Variants in NEDD4L observed in about 807,000 individuals in gnomAD.
NEDD4L encodes the protein NEDD4 like E3 ubiquitin protein ligase.
Under a neutral mutation model 148.9 loss-of-function variants are expected in NEDD4L, and 54 were observed. The observed-to-expected ratio is 0.36, with a 90% CI of 0.29 to 0.45. The LOEUF is 0.45. Ranked by LOEUF, NEDD4L falls within the 20% of genes least tolerant of loss-of-function variation. The pLI is 1.00. For missense variants in NEDD4L, 856 were observed against 1,233.8 expected (o/e 0.69, Z 4.59); for synonymous variants, 433 against 440.7 (o/e 0.98, Z 0.22).
At chr18:58,105,742 G>T (rs971310936) in intron 1 of NEDD4L, among the ~76,000 whole-genome samples, 10 of 152,188 alleles carry the variant, frequency 6.6e-5, no homozygotes, top group Non-Finnish European at 1.0e-4. Flanking sequence ...AATGGTTCAA[G>T]CCCTCTGACT....
chr18:58,228,184 A>T (rs923038916), intron 2 of NEDD4L, among the ~76,000 whole-genome samples: 10 of 152,242 alleles, frequency 6.6e-5, no homozygotes, highest in African/African-American at 2.4e-4. Context: ...TGTGATGCAC[A>T]CAAGTGACCA....
chr18:58,335,742 T>C, intron 13 of NEDD4L: 1 of 484,982 alleles, frequency 2.1e-6, no homozygotes, highest in African/African-American at 1.9e-5. Flanking sequence ...TAGTCCCACA[T>C]AATTTTATTA....
At chr18:58,315,375 A>G (rs991017249) in intron 5 of NEDD4L, among the ~76,000 whole-genome samples, 1 of 152,004 alleles carries the variant, frequency 6.6e-6, no homozygotes, top group Non-Finnish European at 1.5e-5. Context: ...TACGTGCAGT[A>G]TGGTAGATGT....
In NEDD4L at chr18:58,254,723, G is replaced by A. The variant is rs117831312; in HGVS notation, c.297+2669G>A. On this transcript the variant is annotated intron_variant, in intron 5 of 30. Transcript: ENST00000400345. ...TTCTCTTTGAAAAGGAGACACTTTG[G>A]TGTCTGCCAGTCATATGTGAGCTAC... is the stretch of plus-strand genomic sequence containing the variant. Among the ~76,000 whole-genome samples, 115 of 152,158 alleles carry A rather than the reference G, an allele frequency of 7.6e-4. No homozygotes were observed. The East Asian group carries it at 0.021, about 28-fold the overall frequency.
At chr18:58,383,588 CTT>C (rs894900129) in intron 25 of NEDD4L, among the ~76,000 whole-genome samples, 8 of 152,218 alleles carry the variant, frequency 5.3e-5, no homozygotes, top group African/African-American at 1.4e-4. Flanking sequence ...GGCAAATACT[CTT>C]TTGGAATATG....
intron 2 of NEDD4L, among the ~76,000 whole-genome samples, chr18:58,209,957 G>T (rs184361651): frequency 6.6e-6 from 1 of 152,072 alleles, no homozygotes; most frequent in East Asian, 1.9e-4. Flanking sequence ...ACCTGAGGTC[G>T]GGAGTTTGAG....
chr18:58,212,190 G>A (rs1389965519), intron 2 of NEDD4L, among the ~76,000 whole-genome samples: 2 of 152,042 alleles, frequency 1.3e-5, no homozygotes, highest in East Asian at 1.9e-4. Flanking sequence ...GCAGTGGCGC[G>A]ATCAGGGCTC....
intron 6 of NEDD4L, among the ~76,000 whole-genome samples, chr18:58,320,293 A>G (rs2058663539): frequency 6.6e-6 from 1 of 152,242 alleles, no homozygotes; most frequent in Middle Eastern, 3.4e-3. Flanking sequence ...ATCACCCTGT[A>G]TTGTATTGAA....
intron 16 of NEDD4L, among the ~76,000 whole-genome samples, chr18:58,345,778 C>T (rs972362871): frequency 6.6e-6 from 1 of 152,002 alleles, no homozygotes; most frequent in African/African-American, 2.4e-5. Flanking sequence ...GAGTCTCACT[C>T]TTGCCCAGGC....
chr18:58,347,964 G>GTTT (rs35777699), intron 16 of NEDD4L, among the ~76,000 whole-genome samples: 4 of 149,688 alleles, frequency 2.7e-5, no homozygotes, highest in African/African-American at 9.8e-5. Context: ...GTTGATAGTG[G>GTTT]TTTTTTTTTT....
intron 24 of NEDD4L, among the ~76,000 whole-genome samples, chr18:58,381,437 G>A (rs1043161475): frequency 6.6e-6 from 1 of 152,220 alleles, no homozygotes. Context: ...CACCAAAGAA[G>A]GCTCTGTGAT....
chr18:58,153,373 C>G (rs1230039037), intron 1 of NEDD4L, among the ~76,000 whole-genome samples: 1 of 149,120 alleles, frequency 6.7e-6, no homozygotes, highest in Non-Finnish European at 1.5e-5. Flanking sequence ...AGAGTCTTGC[C>G]CTGTGGTCCA....
intron 5 of NEDD4L, among the ~76,000 whole-genome samples, chr18:58,290,750 CTG>C (rs1021075041): frequency 2.0e-5 from 3 of 151,278 alleles, no homozygotes; most frequent in Admixed American, 6.6e-5. Context: ...TGAAAAGAAA[CTG>C]TTCATTTATG....
intron 24 of NEDD4L, among the ~76,000 whole-genome samples, chr18:58,381,559 A>G (rs1601923694): frequency 1.3e-5 from 2 of 152,176 alleles, no homozygotes; most frequent in Admixed American, 1.3e-4. Context: ...GTGGGAGGAA[A>G]GATTCGGCTT....
intron 1 of NEDD4L, among the ~76,000 whole-genome samples, chr18:58,065,025 A>G (rs550063759): frequency 1.3e-5 from 2 of 152,336 alleles, no homozygotes; most frequent in African/African-American, 2.4e-5. Context: ...CACAGGTGCT[A>G]TCAATATATA....
rs138719034 is a variant in NEDD4L, at chr18:58,050,311, G to GA, written c.48+5612dup. 1.7e-3 allele frequency among the ~76,000 whole-genome samples: 253 copies of GA among 150,270 alleles called. 1 individual carries two copies. Among genetic ancestry groups the GA allele is most frequent in the East Asian group, 9.9e-3 (51 of 5,132 alleles). Reference sequence around the variant, plus strand: ...CTACAAAATAAATAAATAAATAAATGAAAAAAAAATCAGCTGGGTGTGGTG... The same window carrying GA: ...CTACAAAATAAATAAATAAATAAATGAAAAAAAAAATCAGCTGGGTGTGGTG... On this transcript the variant is annotated intron_variant, in intron 1 of 30. Transcript: ENST00000400345.
intron 2 of NEDD4L, among the ~76,000 whole-genome samples, chr18:58,234,078 TTTCTTTCTTTCTTTCTTTC>T (rs1467974146): frequency 2.1e-5 from 2 of 93,070 alleles, no homozygotes; most frequent in African/African-American, 9.6e-5. Context: ...TCTTTCTTTC[TTTCTTTCTTTCTTTCTTTC>T]TTTCTTTTCT....
intron 2 of NEDD4L, among the ~76,000 whole-genome samples, chr18:58,204,008 T>C (rs1568381596): frequency 6.6e-6 from 1 of 152,146 alleles, no homozygotes; most frequent in East Asian, 1.9e-4. Flanking sequence ...TGACTTATAA[T>C]AAAAAATTCA....
intron 2 of NEDD4L, among the ~76,000 whole-genome samples, chr18:58,243,642 C>T (rs1200910930): frequency 6.6e-6 from 1 of 152,156 alleles, no homozygotes; most frequent in Non-Finnish European, 1.5e-5. Context: ...AGCCCATGGG[C>T]ACCCATTAGG....
Sources: allele counts gnomAD v4.1 joint callset (sites outside exome capture counted in the v4.1 genomes callset), GRCh38; gene constraint gnomAD v4.1.1; transcripts MANE v1.5; gene names NCBI Gene and HGNC (gene_info 2026-07-23, HGNC 2026-07-21).